The following SMURF2 variants were observed in gnomAD, a reference collection of about 807,000 sequenced individuals.
The protein encoded by SMURF2 is SMAD specific E3 ubiquitin protein ligase 2, also known as E3 ubiquitin-protein ligase SMURF2.
A neutral mutation model predicts 109.6 loss-of-function variants in SMURF2; 48 were observed. The ratio of observed to expected loss-of-function variants is 0.44; its 90% confidence interval spans 0.35 to 0.56. The LOEUF (loss-of-function observed/expected upper bound fraction) is 0.56. Among genes scored for constraint, SMURF2 ranks in the 20% least tolerant of loss-of-function variants. SMURF2 has a pLI of 0.01. For missense variants in SMURF2, 575 were observed against 909.0 expected (o/e 0.63, Z 4.72); for synonymous variants, 288 against 317.1 (o/e 0.91, Z 0.97).
rs1219473849 is a variant in SMURF2 at position 64,542,776 on chromosome 17, G to GATTC, written c.*3071_*3072insGAAT. ...GCGAATTACATTGTATTTGAAAGAA[G>GATTC]AGAATCTTGTGCTCCGGACTGTAAA... is the stretch of plus-strand genomic sequence containing the variant. On this transcript the variant is annotated 3_prime_UTR_variant, in exon 19 of 19. Coordinates refer to ENST00000262435, the MANE Select transcript of SMURF2 (RefSeq NM_022739.4). 6.6e-6 allele frequency: 1 copy of GATTC among 152,164 alleles called. No individual in the cohort carries two copies. The allele number at this position is 152,164 out of a possible 1,614,324, so 9.4% of individuals were successfully genotyped here.
chr17:64,571,559 C>T (rs1187022486), intron 10 of SMURF2, among the ~76,000 whole-genome samples: 1 of 152,052 alleles, frequency 6.6e-6, no homozygotes, highest in Admixed American at 6.6e-5. Flanking sequence ...GCATACACCA[C>T]CACACCCAGC....
chr17:64,629,566 A>G (rs1213337151), intron 1 of SMURF2, among the ~76,000 whole-genome samples: 1 of 152,214 alleles, frequency 6.6e-6, no homozygotes, highest in African/African-American at 2.4e-5. Flanking sequence ...CTTTCTTACC[A>G]AAGTAGATTA....
At chr17:64,588,554 C>A (rs1454750729) in intron 5 of SMURF2, among the ~76,000 whole-genome samples, 1 of 151,886 alleles carries the variant, frequency 6.6e-6, no homozygotes. Context: ...AAGACATATA[C>A]ATTTTATATA....
At chr17:64,554,422 G>A (rs949137417) in intron 15 of SMURF2, among the ~76,000 whole-genome samples, 7 of 152,112 alleles carry the variant, frequency 4.6e-5, no homozygotes, top group Non-Finnish European at 1.0e-4. Flanking sequence ...GGCTATGGGG[G>A]GAGGGAGTGG....
At chr17:64,622,166 T>C (rs1212604124) in intron 1 of SMURF2, among the ~76,000 whole-genome samples, 2 of 151,498 alleles carry the variant, frequency 1.3e-5, no homozygotes, top group Admixed American at 6.6e-5. Flanking sequence ...ATTTTTGAAA[T>C]AATTCCTGGG....
In SMURF2 at chr17:64,606,601, C is replaced by T. The variant is rs1555689073; in HGVS notation, c.91+1G>A. 3.9e-6 allele frequency: 6 copies of T among 1,532,556 alleles called. No individual in the cohort carries two copies. Among genetic ancestry groups the T allele is most frequent in the Non-Finnish European group, 5.3e-6 (6 of 1,131,366 alleles). The allele number at this position is 1,532,556 out of a possible 1,614,324, so 94.9% of individuals were successfully genotyped here. On this transcript the variant is annotated splice_donor_variant, in intron 2 of 18. Transcript: ENST00000262435. LOFTEE classifies it high-confidence loss of function. The stretch of plus-strand genomic sequence containing the variant: ...ACAAGATTTAAAGTTAATTTACTTA[C>T]GGAAAAAATCCTTTTTCACCAGGTT...
chr17:64,605,744 A>AATGAATATATATAT (rs1969959634), intron 2 of SMURF2, among the ~76,000 whole-genome samples: 1 of 99,120 alleles, frequency 1.0e-5, no homozygotes. Flanking sequence ...CTCTAAAAAG[A>AATGAATATATATAT]ATATATATAT....
chr17:64,567,109 C>T (rs782367387), intron 10 of SMURF2, among the ~76,000 whole-genome samples: 7 of 152,200 alleles, frequency 4.6e-5, no homozygotes, highest in Non-Finnish European at 5.9e-5. Flanking sequence ...CTACCCGCCT[C>T]GGCCTCCCAA....
intron 9 of SMURF2, among the ~76,000 whole-genome samples, chr17:64,572,287 AATTTT>A (rs1254926039): frequency 1.3e-5 from 2 of 152,244 alleles, no homozygotes; most frequent in Non-Finnish European, 2.9e-5. Flanking sequence ...GACAGGAAGT[AATTTT>A]ACAAGTGTCA....
intron 1 of SMURF2, among the ~76,000 whole-genome samples, chr17:64,660,129 GATCT>G (rs1970755483): frequency 6.6e-6 from 1 of 152,084 alleles, no homozygotes; most frequent in African/African-American, 2.4e-5. Flanking sequence ...AACACTTTAA[GATCT>G]ATTAAGTCAT....
intron 2 of SMURF2, among the ~76,000 whole-genome samples, chr17:64,604,761 T>A (rs1555688884): frequency 6.6e-6 from 1 of 151,832 alleles, no homozygotes; most frequent in African/African-American, 2.4e-5. Flanking sequence ...CTGACCAACA[T>A]GGTGAAACTC....
chr17:64,630,957 C>T (rs1434983106), intron 1 of SMURF2, among the ~76,000 whole-genome samples: 1 of 151,874 alleles, frequency 6.6e-6, no homozygotes, highest in African/African-American at 2.4e-5. Flanking sequence ...CTAGTATCCT[C>T]CCTAAGAGCA....
intron 9 of SMURF2, among the ~76,000 whole-genome samples, chr17:64,573,905 C>T (rs1969452303): frequency 6.6e-6 from 1 of 152,100 alleles, no homozygotes; most frequent in Non-Finnish European, 1.5e-5. Flanking sequence ...CATGTTCTCA[C>T]TTATAAGTAG....
At chr17:64,614,725 A>C (rs1398509792) in intron 1 of SMURF2, among the ~76,000 whole-genome samples, 1 of 152,230 alleles carries the variant, frequency 6.6e-6, no homozygotes. Flanking sequence ...GAATACTCCT[A>C]CATCATTCAC....
In SMURF2 at chr17:64,562,893, T is replaced by A; in HGVS notation, c.1090A>T (p.Thr364Ser). 6.2e-7 allele frequency: 1 copy of A among 1,614,230 alleles called. No individual in the cohort carries two copies. The highest frequency in any genetic ancestry group is 8.5e-7 in the Non-Finnish European group (1 of 1,180,034). Reference protein sequence around the residue: ...SLCPDDTECLTVPRYKRDLVQ... With the variant: ...SLCPDDTECLSVPRYKRDLVQ... ...AGGTCTCGCTTGTACCTTGGGACTG[T>A]CAGGCATTCTGTGTCATCAGGACAT... The change falls in exon 11 of 19, where the codon ACA (threonine) becomes TCA (serine). Residue 364 changes from threonine (T) to serine (S), a missense_variant. By Grantham distance (58) the Thr-to-Ser change is moderately conservative. Transcript: ENST00000262435.
intron 1 of SMURF2, among the ~76,000 whole-genome samples, chr17:64,620,926 C>G (rs1340142994): frequency 6.6e-6 from 1 of 152,184 alleles, no homozygotes; most frequent in South Asian, 2.1e-4. Context: ...AACCTAGTAA[C>G]TCTTTATGTT....
intron 1 of SMURF2, among the ~76,000 whole-genome samples, chr17:64,645,246 T>C: frequency 6.6e-6 from 1 of 152,256 alleles, no homozygotes; most frequent in Non-Finnish European, 1.5e-5. Flanking sequence ...AATAAATCTG[T>C]TTTCTATAAT....
chr17:64,601,954 T>C (rs540677350), intron 2 of SMURF2, among the ~76,000 whole-genome samples: 2 of 149,480 alleles, frequency 1.3e-5, no homozygotes, highest in African/African-American at 2.4e-5. Context: ...CACCTACATA[T>C]ACACACACAC....
chr17:64,661,474 T>C (rs1598322908), intron 1 of SMURF2, among the ~76,000 whole-genome samples: 1 of 151,966 alleles, frequency 6.6e-6, no homozygotes, highest in Admixed American at 6.6e-5. Flanking sequence ...GAGCTCTTCA[T>C]CCCCTTCACG....
Sources: allele counts gnomAD v4.1 joint callset (sites outside exome capture counted in the v4.1 genomes callset), GRCh38; gene constraint gnomAD v4.1.1; transcripts MANE v1.5; gene names NCBI Gene and HGNC (gene_info 2026-07-23, HGNC 2026-07-21).